The following FMNL3 variants were observed in gnomAD, a reference collection of about 807,000 sequenced individuals.
FMNL3 encodes formin-like protein 3.
A neutral mutation model predicts 119.6 loss-of-function variants in FMNL3; 57 were observed. That is an observed-to-expected ratio of 0.48 (90% CI 0.39 to 0.59). The LOEUF (loss-of-function observed/expected upper bound fraction) is 0.59, where lower values mean the gene tolerates loss of function less well. Ranked by LOEUF, FMNL3 falls within the 20% of genes least tolerant of loss-of-function variation. FMNL3 has a pLI of 0.00. For missense variants in FMNL3, 1,053 were observed against 1,323.5 expected (o/e 0.80, Z 3.17); for synonymous variants, 491 against 507.3 (o/e 0.97, Z 0.43).
intron 1 of FMNL3, among the ~76,000 whole-genome samples, chr12:49,670,516 G>A (rs1291986911): frequency 6.6e-6 from 1 of 152,098 alleles, no homozygotes; most frequent in Admixed American, 6.5e-5. Context: ...GGTCACTATA[G>A]CTCAAAAAGG....
chr12:49,637,453 G>A lies in FMNL3; in HGVS notation c.*8362C>T. ...TCCCTGTCTCACTCTCCCTATAACT[G>A]GCCTCTCCCTGCTCAGACCTTCCTG... On this transcript the variant is annotated 3_prime_UTR_variant, in exon 26 of 26. Transcript: ENST00000335154. 1 of 1,583,802 alleles carries A rather than the reference G, an allele frequency of 6.3e-7. No homozygotes were observed. The highest frequency in any genetic ancestry group is 1.1e-5 in the South Asian group (1 of 90,460).
chr12:49,706,246 A>G (rs531444567), intron 1 of FMNL3, among the ~76,000 whole-genome samples: 1 of 152,306 alleles, frequency 6.6e-6, no homozygotes, highest in South Asian at 2.1e-4. Flanking sequence ...GAAGAATCCC[A>G]AAGTCAGCTC....
chr12:49,654,691 G>T (rs1230548039), intron 10 of FMNL3, among the ~76,000 whole-genome samples: 1 of 152,130 alleles, frequency 6.6e-6, no homozygotes, highest in Non-Finnish European at 1.5e-5. Context: ...AAAGGCCACA[G>T]AAAAGAGGAA....
intron 1 of FMNL3, among the ~76,000 whole-genome samples, chr12:49,676,459 G>C (rs1042782683): frequency 2.7e-5 from 4 of 149,686 alleles, no homozygotes; most frequent in Non-Finnish European, 5.9e-5. Context: ...AATAACAAGA[G>C]AGAAAATACC....
chr12:49,683,486 A>G (rs554631674), intron 1 of FMNL3, among the ~76,000 whole-genome samples: 1 of 152,268 alleles, frequency 6.6e-6, no homozygotes, highest in African/African-American at 2.4e-5. Flanking sequence ...ACAATGTAAA[A>G]TCTAATCAGC....
At chr12:49,688,592 T>C (rs963482550) in intron 1 of FMNL3, 2 of 451,028 alleles carry the variant, frequency 4.4e-6, no homozygotes, top group African/African-American at 4.0e-5. Context: ...CAGATCTTTA[T>C]ATATAGCTAT....
intron 1 of FMNL3, among the ~76,000 whole-genome samples, chr12:49,675,826 T>C (rs1944171419): frequency 6.6e-6 from 1 of 152,210 alleles, no homozygotes; most frequent in African/African-American, 2.4e-5. Context: ...CCTGAGCTCC[T>C]TGGCCTATTG....
rs1304258681 is a variant in FMNL3, at chr12:49,666,144, G to C, written c.274C>G (p.Pro92Ala). The C allele has an allele frequency of 6.2e-7, 1 of 1,614,100 alleles. No individual in the cohort carries two copies. Among genetic ancestry groups the C allele is most frequent in the African/African-American group, 1.3e-5 (1 of 75,020 alleles). The change falls in exon 3 of 26, where the codon CCC becomes GCC. Residue 92 changes from proline (P) to alanine (A), a missense_variant. Around this residue, in one of 4 missense-constraint regions of FMNL3, gnomAD observed 264 missense variants for 265.5 expected, o/e 0.99. Transcript: ENST00000335154. ...YIQKLQSFLD[P>A]SVTRKKFRRR... ...TACTTCACCTTCCGAGTTACACTGG[G>C]GTCCAAGAAGCTCTGGAGTTTCTGA... is the stretch of plus-strand genomic sequence containing the variant.
chr12:49,688,894 A>G (rs1270970911), intron 1 of FMNL3, among the ~76,000 whole-genome samples: 1 of 152,238 alleles, frequency 6.6e-6, no homozygotes, highest in African/African-American at 2.4e-5. Flanking sequence ...TTGAGCATCT[A>G]CTATGAACAA....
Position 49,658,586 on chromosome 12 carries a change from A to G in FMNL3, c.461T>C (p.Phe154Ser). ...SFAQCSVMFD[F>S]EGLESGDDGA... ...ATCGTCACCACTTTCCAGACCCTCA[A>G]AGTCAAACCTGGAGCATGAAAGGAC... The change falls in exon 6 of 26, where the codon TTT becomes TCT. Residue 154 changes from phenylalanine (F) to serine (S), a missense_variant. Physicochemically the swap from Phe to Ser is radical, Grantham distance 155. Around this residue, in one of 4 missense-constraint regions of FMNL3, gnomAD observed 264 missense variants for 265.5 expected, o/e 0.99. Coordinates refer to ENST00000335154, the MANE Select transcript of FMNL3 (RefSeq NM_175736.5). 1.2e-6 allele frequency: 2 copies of G among 1,608,728 alleles called. No homozygotes were observed. The highest frequency in any genetic ancestry group is 1.7e-6 in the Non-Finnish European group (2 of 1,177,188).
chr12:49,677,832 G>A (rs570797482), intron 1 of FMNL3, among the ~76,000 whole-genome samples: 28 of 152,268 alleles, frequency 1.8e-4, no homozygotes, highest in African/African-American at 4.8e-4. Context: ...TAAGGTGTAA[G>A]ACTTCCTGAA....
At position 49,643,364 on chromosome 12, in the gene FMNL3, C is replaced by A; in HGVS notation, c.*2451G>T. 6.3e-7 allele frequency: 1 copy of A among 1,580,440 alleles called. No individual in the cohort carries two copies. The highest frequency in any genetic ancestry group is 1.2e-5 in the South Asian group (1 of 86,404). On this transcript the variant is annotated 3_prime_UTR_variant, in exon 26 of 26. Coordinates refer to ENST00000335154, the MANE Select transcript of FMNL3 (RefSeq NM_175736.5). ...AAGTGGGGGTGCTGCCCTTGGAGGACGGGGCTCCCCTTCCTCCCATCTTCT... is the reference window on the plus strand; with the variant it reads ...AAGTGGGGGTGCTGCCCTTGGAGGAAGGGGCTCCCCTTCCTCCCATCTTCT...
chr12:49,693,635 G>GTTTTTTTTTTTTTTTTTT (rs1565896489), intron 1 of FMNL3, among the ~76,000 whole-genome samples: 241 of 21,242 alleles, frequency 0.011, 114 homozygotes, highest in Non-Finnish European at 0.016. Flanking sequence ...TCCCAATCTT[G>GTTTTTTTTTTTTTTTTTT]GTTTTTTTTT....
At chr12:49,678,117 C>T (rs1439290930) in intron 1 of FMNL3, among the ~76,000 whole-genome samples, 2 of 151,872 alleles carry the variant, frequency 1.3e-5, no homozygotes, top group African/African-American at 4.8e-5. Flanking sequence ...CTGACTCGGC[C>T]TCCCAAAGTG....
chr12:49,687,883 C>T (rs1353406366), intron 1 of FMNL3, among the ~76,000 whole-genome samples: 1 of 152,106 alleles, frequency 6.6e-6, no homozygotes. Flanking sequence ...CCCTAAAGTC[C>T]TCCACATCTC....
chr12:49,675,226 G>A (rs1168575211), intron 1 of FMNL3, among the ~76,000 whole-genome samples: 2 of 152,200 alleles, frequency 1.3e-5, no homozygotes, highest in East Asian at 3.8e-4. Flanking sequence ...AGGAGCTTCT[G>A]TCAGCGCTTC....
rs577923928 is a variant in FMNL3 at position 49,641,995 on chromosome 12, G to A, written c.*3820C>T. ...TGACAAGAGGGCTGCCGCACTGGAC[G>A]CAGGCAACATCAAGCTGACCTTCAA... On this transcript the variant is annotated 3_prime_UTR_variant, in exon 26 of 26. Coordinates refer to ENST00000335154, the MANE Select transcript of FMNL3 (RefSeq NM_175736.5). 7.4e-6 allele frequency: 12 copies of A among 1,613,380 alleles called. No individual in the cohort carries two copies. Among genetic ancestry groups the A allele is most frequent in the East Asian group, 2.2e-5 (1 of 44,884 alleles).
intron 1 of FMNL3, among the ~76,000 whole-genome samples, chr12:49,688,197 G>A (rs954830338): frequency 2.6e-5 from 4 of 152,190 alleles, no homozygotes; most frequent in Admixed American, 1.3e-4. Context: ...ACAGGAGTGA[G>A]GACTGAGCAC....
At position 49,649,792 on chromosome 12, in the gene FMNL3, G is replaced by A. The variant is rs558821843; in HGVS notation, c.2134C>T (p.Arg712Cys). The change falls in exon 18 of 26, where the codon CGC becomes TGC. Residue 712 changes from arginine (R) to cysteine (C), a missense_variant. Transcript: ENST00000335154. This position sits in a 1 kb window ranked among gnomAD's most constrained non-coding sequence, Gnocchi z 5.6. The part of the protein sequence containing the change: ...QPLEELAAED[R>C]FMLLFSKVER... ...ACCTTGCTGAAGAGCAGCATGAAGC[G>A]GTCCTCAGCTGCCAACTCCTCCAGG... The A allele has an allele frequency of 6.2e-6, 10 of 1,614,170 alleles. No homozygotes were observed. The highest frequency in any genetic ancestry group is 3.3e-5 in the Admixed American group (2 of 60,024).
Sources: allele counts gnomAD v4.1 joint callset (sites outside exome capture counted in the v4.1 genomes callset), GRCh38; gene constraint gnomAD v4.1.1; regional missense constraint gnomAD v4.1.1; non-coding constraint Gnocchi (gnomAD v3.1); transcripts MANE v1.5; gene names NCBI Gene and HGNC (gene_info 2026-07-23, HGNC 2026-07-21).